Variants in TFCP2 observed in about 807,000 individuals in gnomAD.
The protein encoded by TFCP2 is alpha-globin transcription factor CP2.
In TFCP2, 33 loss-of-function variants were observed where a neutral mutation model predicts 73.4. The ratio of observed to expected loss-of-function variants is 0.45; its 90% CI spans 0.34 to 0.60. The LOEUF is 0.60. Among genes scored for constraint, TFCP2 ranks in the 20% least tolerant of loss-of-function variants. The pLI, the probability that TFCP2 is intolerant of heterozygous loss-of-function variation, is 0.01. For synonymous variants in TFCP2, 193 were observed against 211.6 expected, an observed-to-expected ratio of 0.91 and a Z score of 0.76; for missense variants, 352 against 604.0, an observed-to-expected ratio of 0.58 and a Z score of 4.37.
At chr12:51,095,857 AT>A (rs1386570485) in intron 14 of TFCP2, 131 bp downstream of exon 14, 1 of 564,692 alleles carries the variant, frequency 1.8e-6, no homozygotes, top group Non-Finnish European at 2.9e-6. Context: ...AAAAGGAACA[AT>A]CTCTAATATT....
At chr12:51,153,560 C>T (rs991856608) in intron 1 of TFCP2, among the ~76,000 whole-genome samples, 7 of 21,140 alleles carry the variant, frequency 3.3e-4, no homozygotes, top group Admixed American at 9.0e-4. Context: ...TAAACAAGAA[C>T]TACTCACTCC....
At chr12:51,103,026 T>A (rs1746174019) in intron 10 of TFCP2, among the ~76,000 whole-genome samples, 1 of 152,002 alleles carries the variant, frequency 6.6e-6, no homozygotes, top group African/African-American at 2.4e-5. Flanking sequence ...CTCATACCTG[T>A]AATCCCAGCA....
At chr12:51,140,911 C>A (rs1941179464) in intron 1 of TFCP2, among the ~76,000 whole-genome samples, 1 of 151,808 alleles carries the variant, frequency 6.6e-6, no homozygotes, top group Admixed American at 6.6e-5. Context: ...CAAAAATTAG[C>A]CAGGCGTGGT....
At chr12:51,161,403 G>A (rs1306659430) in intron 1 of TFCP2, among the ~76,000 whole-genome samples, 1 of 151,926 alleles carries the variant, frequency 6.6e-6, no homozygotes, top group Non-Finnish European at 1.5e-5. Context: ...GAAATTGGCT[G>A]GGCACAGTGG....
At chr12:51,162,009 A>G (rs1186114616) in intron 1 of TFCP2, among the ~76,000 whole-genome samples, 1 of 152,118 alleles carries the variant, frequency 6.6e-6, no homozygotes, top group Non-Finnish European at 1.5e-5. Context: ...GCAATTCTGG[A>G]CATAAAGATA....
At chr12:51,159,736 C>T (rs1048692910) in intron 1 of TFCP2, among the ~76,000 whole-genome samples, 4 of 152,144 alleles carry the variant, frequency 2.6e-5, no homozygotes, top group African/African-American at 9.7e-5. Context: ...AATCCTCTCG[C>T]CTCAGCCTCC....
intron 4 of TFCP2, among the ~76,000 whole-genome samples, chr12:51,113,116 G>A (rs966258535): frequency 2.6e-5 from 4 of 152,040 alleles, no homozygotes; most frequent in South Asian, 2.1e-4. Flanking sequence ...TACTGTTTTG[G>A]TATCAATGAT....
At chr12:51,106,993 C>T in intron 7 of TFCP2, 2 of 572,042 alleles carry the variant, frequency 3.5e-6, no homozygotes, top group South Asian at 4.3e-5. Flanking sequence ...ACCACAATAG[C>T]TCCTGCAGCA....
intron 1 of TFCP2, among the ~76,000 whole-genome samples, chr12:51,134,260 ATACT>A (rs1478920495): frequency 2.6e-5 from 4 of 152,164 alleles, no homozygotes; most frequent in African/African-American, 9.7e-5. Context: ...TCACGAAACA[ATACT>A]TACTAATTTT....
intron 8 of TFCP2, among the ~76,000 whole-genome samples, chr12:51,105,953 A>G (rs1255245666): frequency 6.6e-6 from 1 of 152,236 alleles, no homozygotes; most frequent in Admixed American, 6.5e-5. Context: ...AGGCATCTGT[A>G]CCAACTTTCA....
chr12:51,165,938 G>A (rs1020442750), intron 1 of TFCP2, among the ~76,000 whole-genome samples: 9 of 151,868 alleles, frequency 5.9e-5, no homozygotes, highest in Non-Finnish European at 1.2e-4. Context: ...TTGATCCCCG[G>A]GAGTTCGAAG....
intron 1 of TFCP2, among the ~76,000 whole-genome samples, chr12:51,127,795 C>G (rs1940846306): frequency 6.6e-6 from 1 of 152,232 alleles, no homozygotes; most frequent in African/African-American, 2.4e-5. Context: ...GAATTCTACA[C>G]TAGAGAACTT....
intron 1 of TFCP2, among the ~76,000 whole-genome samples, chr12:51,140,445 CTTTTTTTT>C (rs768526922): frequency 1.1e-5 from 1 of 88,030 alleles, no homozygotes; most frequent in African/African-American, 4.5e-5. Context: ...TTTTCTTTTT[CTTTTTTTT>C]TTTTTTTTTT....
In TFCP2 at chr12:51,106,629, A is replaced by G. The variant is rs775045444; in HGVS notation, c.829-16T>C. The stretch of plus-strand genomic sequence containing the variant: ...ATGGAGAACACTAAAAACAAAGGAT[A>G]AGTTAGATAATGAACGAGCACATAT... On this transcript the variant is annotated splice_polypyrimidine_tract_variant and intron_variant, in intron 7 of 14. Coordinates refer to ENST00000257915, the MANE Select transcript of TFCP2 (RefSeq NM_005653.5). 3.1e-6 allele frequency: 5 copies of G among 1,606,766 alleles called. No individual in the cohort carries two copies. The highest frequency in any genetic ancestry group is 3.4e-6 in the Non-Finnish European group (4 of 1,174,462).
At chr12:51,097,271 TGA>T (rs1939986758) in intron 13 of TFCP2, among the ~76,000 whole-genome samples, 13 of 151,848 alleles carry the variant, frequency 8.6e-5, no homozygotes, top group Admixed American at 6.6e-4. Flanking sequence ...TTTTTTTGGA[TGA>T]AGTCTCGCTC....
chr12:51,095,981 A>T lies in TFCP2; in HGVS notation c.1471+8T>A. The T allele has an allele frequency of 6.2e-7, 1 of 1,612,224 alleles. No individual in the cohort carries two copies. The highest frequency in any genetic ancestry group is 8.5e-7 in the Non-Finnish European group (1 of 1,178,826). ...CTGCTTAGAGAAAGATGTTTGTCTT[A>T]CTATTACCTTTCATTGTGTCCAGAA... On this transcript the variant is annotated splice_region_variant and intron_variant, in intron 14 of 14. Transcript: ENST00000257915.
chr12:51,102,797 G>A (rs1407390142), intron 10 of TFCP2, among the ~76,000 whole-genome samples: 2 of 152,064 alleles, frequency 1.3e-5, no homozygotes, highest in Non-Finnish European at 2.9e-5. Context: ...ATCCTCCCAT[G>A]AACGTCTTAC....
At chr12:51,127,590 C>T (rs935707255) in intron 1 of TFCP2, among the ~76,000 whole-genome samples, 3 of 152,120 alleles carry the variant, frequency 2.0e-5, no homozygotes, top group Admixed American at 6.6e-5. Flanking sequence ...ATGTAAAAGG[C>T]GTATTACTAA....
intron 1 of TFCP2, among the ~76,000 whole-genome samples, chr12:51,128,004 C>G (rs977753872): frequency 6.6e-6 from 1 of 151,726 alleles, no homozygotes; most frequent in African/African-American, 2.4e-5. Context: ...ACCGCAACCT[C>G]TGCCTCCTGG....
Sources: gnomAD v4.1 joint callset for allele counts (sites outside exome capture counted in the v4.1 genomes callset) on GRCh38, gnomAD v4.1.1 for gene constraint, MANE v1.5 for transcripts, NCBI Gene and HGNC (gene_info 2026-07-23, HGNC 2026-07-21) for gene names.